SEC16B: variants seen among roughly 807,000 people sequenced by gnomAD.
The protein encoded by SEC16B is protein transport protein Sec16B.
In SEC16B, 115 loss-of-function variants were observed where a neutral mutation model predicts 141.8. The observed-to-expected ratio is 0.81, with a 90% CI of 0.70 to 0.95. The LOEUF (loss-of-function observed/expected upper bound fraction) is 0.95. Ranked by LOEUF, SEC16B falls within the 40% of genes least tolerant of loss-of-function variation. The probability of loss-of-function intolerance (pLI) is 0.00; values close to 1 mark genes in which losing one functional copy is unlikely to be tolerated. For missense variants in SEC16B, 1,291 were observed against 1,312.3 expected, an observed-to-expected ratio of 0.98 and a Z score of 0.25; for synonymous variants, 493 against 492.5, an observed-to-expected ratio of 1.00 and a Z score of -0.01.
chr1:177,978,734 AATAAATAAATAGC>A lies in SEC16B; in HGVS notation c.-59+5459_-59+5471del, dbSNP rs1259402868. 4.7e-3 allele frequency among the ~76,000 whole-genome samples: 690 copies of A among 145,332 alleles called. 6 individuals carry two copies. The highest frequency in any genetic ancestry group is 0.016 in the African/African-American group (643 of 40,004). ...AAATAAATAAATAAATAAATAAATA[AATAAATAAATAGC>A]ATAGCAGAAAAGTTCATTTCTAGGC... is the stretch of plus-strand genomic sequence containing the variant. On this transcript the variant is annotated intron_variant and NMD_transcript_variant, in intron 1 of 24. Transcript: ENST00000528461.
intron 13 of SEC16B, 129 bp from the exon 14 acceptor site, chr1:177,946,660 A>T: frequency 1.5e-6 from 1 of 647,426 alleles, no homozygotes; most frequent in South Asian, 1.9e-5. Context: ...ATGGGACTAA[A>T]TGAATGAGCC....
chr1:177,938,832 T>C (rs1436244922), intron 18 of SEC16B, among the ~76,000 whole-genome samples: 1 of 152,204 alleles, frequency 6.6e-6, no homozygotes, highest in Non-Finnish European at 1.5e-5. Context: ...ATGGCTCTGT[T>C]CTTAAGGAAT....
At chr1:177,973,852 T>C (rs1654058668), upstream of SEC16B, among the ~76,000 whole-genome samples, 1 of 152,136 alleles carries the variant, frequency 6.6e-6, no homozygotes, top group South Asian at 2.1e-4. Context: ...ATATCACTGA[T>C]TTTTCTAATG....
At position 177,933,202 on chromosome 1, in the gene SEC16B, C is replaced by A. The variant is rs1049764485; in HGVS notation, c.2823+12G>T. On this transcript the variant is annotated intron_variant, in intron 22 of 25. Transcript: ENST00000308284. ...ACAGAGAGGGGCATCCTCCCCCTCC[C>A]ACAGAGCCTACCTCAGAGTCAGGGC... The A allele has an allele frequency of 4.5e-6, 7 of 1,562,268 alleles. No homozygotes were observed. The African/African-American group carries it at 9.5e-5, about 21-fold the overall frequency.
chr1:177,933,370 G>T, intron 21 of SEC16B, 58 bp from the exon 22 acceptor site: 2 of 1,557,638 alleles, frequency 1.3e-6, no homozygotes, highest in South Asian at 1.2e-5. Context: ...CCAACTATGA[G>T]GTTAACCCGC....
intron 10 of SEC16B, among the ~76,000 whole-genome samples, chr1:177,956,409 A>T (rs1652604671): frequency 6.6e-6 from 1 of 152,184 alleles, no homozygotes. Context: ...TCAAAAAGGG[A>T]AGGTACAGAA....
intron 12 of SEC16B, 144 bp from the exon 13 acceptor site, chr1:177,948,086 G>A (rs1651873284): frequency 2.6e-6 from 2 of 762,776 alleles, no homozygotes; most frequent in Non-Finnish European, 4.4e-6. Context: ...CATTGATTTA[G>A]AGCTCTCATC....
intron 8 of SEC16B, chr1:177,959,178 A>G (rs1652875052): frequency 3.2e-6 from 2 of 625,138 alleles, no homozygotes; most frequent in Non-Finnish European, 5.7e-6. Context: ...AGATTCTCTC[A>G]TGCACCCCCT....
chr1:177,977,438 CATATT>C (rs913596363), intron 1 of SEC16B, among the ~76,000 whole-genome samples: 21 of 152,182 alleles, frequency 1.4e-4, no homozygotes, highest in African/African-American at 5.1e-4. Context: ...TAAAAAATAT[CATATT>C]ATATAAGATA....
chr1:177,967,958 C>A lies in SEC16B; in HGVS notation c.24G>T (p.Arg8Ser), dbSNP rs1653685184. 3 of 1,607,610 alleles carry A rather than the reference C, an allele frequency of 1.9e-6. No homozygotes were observed. The South Asian group carries it at 3.3e-5, about 18-fold the overall frequency. Residue 8 changes from arginine (R) to serine (S), a missense_variant, in exon 2 of 26, where the codon AGG becomes AGT. Physicochemically the swap from Arg to Ser is moderately radical, Grantham distance 110. This residue lies in a region of SEC16B where 681 missense variants were observed against 675.5 expected (regional missense o/e 1.01). Transcript: ENST00000308284. ...TGGCCTTCCCTCGTGTCTGGGGCAG[C>A]CTCTGGGGAGCCCAAAGTTCCATCC... MELWAPQ[R>S]LPQTRGKATA...
chr1:177,979,122 T>C (rs964779139), intron 1 of SEC16B, among the ~76,000 whole-genome samples: 1 of 152,198 alleles, frequency 6.6e-6, no homozygotes, highest in Non-Finnish European at 1.5e-5. Flanking sequence ...CGGAAGAGCA[T>C]ATGGCTTAGT....
chr1:177,935,824 A>G (rs1571308544), intron 20 of SEC16B, among the ~76,000 whole-genome samples: 1 of 152,336 alleles, frequency 6.6e-6, no homozygotes, highest in African/African-American at 2.4e-5. Flanking sequence ...GGTGTGTCCA[A>G]TCAGAGCTAG....
Position 177,929,771 on chromosome 1 carries a change from A to G in SEC16B, c.*87T>C, listed in dbSNP as rs1402882421. On this transcript the variant is annotated 3_prime_UTR_variant, in exon 26 of 26. Transcript: ENST00000308284. The stretch of plus-strand genomic sequence containing the variant: ...TAGCACAAACCTCTTGAGGGTCCCA[A>G]TATGGTAGAGAGGGGCTGGGAGATT... The G allele has an allele frequency of 1.4e-5, 20 of 1,462,610 alleles. No homozygotes were observed. The highest frequency in any genetic ancestry group is 4.2e-5 in the African/African-American group (3 of 71,866). 90.6% of individuals were successfully genotyped at this position (1,462,610 alleles called of 1,614,324 possible). A position where few individuals can be genotyped will look rare whatever the true frequency, so the allele number is the denominator to read the frequency against.
At chr1:177,967,194 T>G (rs780455544) in intron 2 of SEC16B, among the ~76,000 whole-genome samples, 1 of 152,214 alleles carries the variant, frequency 6.6e-6, no homozygotes, top group African/African-American at 2.4e-5. Flanking sequence ...ATTATTGGTA[T>G]GCCTGTTCCA....
At chr1:177,933,026 A>G (rs951387181) in intron 22 of SEC16B, among the ~76,000 whole-genome samples, 188 bp downstream of exon 22, 1 of 152,100 alleles carries the variant, frequency 6.6e-6, no homozygotes, top group African/African-American at 2.4e-5. Context: ...CAAACTTTTT[A>G]AAGCTTTTTT....
Position 177,976,039 on chromosome 1 carries a change from T to C in SEC16B, c.-58-8000A>G, listed in dbSNP as rs898923918. 2.9e-4 allele frequency among the ~76,000 whole-genome samples: 44 copies of C among 152,220 alleles called. 1 individual carries two copies. The highest frequency in any genetic ancestry group is 1.5e-4 in the Non-Finnish European group (10 of 68,036). The stretch of plus-strand genomic sequence containing the variant: ...CTACCAGTGCCAGTCCTGGGATTGT[T>C]ACTCTTACCACAACCTTAGGAGTGA... On this transcript the variant is annotated intron_variant and NMD_transcript_variant, in intron 1 of 24. Transcript: ENST00000528461.
intron 1 of SEC16B, among the ~76,000 whole-genome samples, chr1:177,977,289 G>T (rs962269204): frequency 1.3e-4 from 20 of 152,162 alleles, no homozygotes; most frequent in Non-Finnish European, 1.5e-5. Flanking sequence ...GAACCAATGA[G>T]CTGGAAAGGA....
At chr1:177,969,634 G>GCACCA (rs1305853216) in intron 1 of SEC16B, among the ~76,000 whole-genome samples, 2 of 152,142 alleles carry the variant, frequency 1.3e-5, no homozygotes, top group Non-Finnish European at 2.9e-5. Context: ...TCTTTCCACT[G>GCACCA]AAATCACATC....
chr1:177,957,193 G>A (rs1303216716), intron 10 of SEC16B, among the ~76,000 whole-genome samples: 2 of 151,948 alleles, frequency 1.3e-5, no homozygotes, highest in Non-Finnish European at 2.9e-5. Context: ...TAAAAGATCA[G>A]GCAAAGACTT....
Sources: gnomAD v4.1 joint callset for allele counts (sites outside exome capture counted in the v4.1 genomes callset) on GRCh38, gnomAD v4.1.1 for gene constraint, gnomAD v4.1.1 regional missense constraint, MANE v1.5 for transcripts, NCBI Gene and HGNC (gene_info 2026-07-23, HGNC 2026-07-21) for gene names.